The following RPSA2 variants were observed in gnomAD, a reference collection of about 807,000 sequenced individuals.
RPSA2 encodes the protein ribosomal protein SA 2.
chr19:23,789,552 A>ACT, the RPSA2 span, among the ~76,000 whole-genome samples: 5 of 151,916 alleles, frequency 3.3e-5, no homozygotes, highest in Non-Finnish European at 5.9e-5. Flanking sequence ...TAAAAGAGTT[A>ACT]CTCTCTCTCC....
the RPSA2 span, among the ~76,000 whole-genome samples, chr19:23,868,335 G>T: frequency 6.6e-6 from 1 of 152,110 alleles, no homozygotes; most frequent in African/African-American, 2.4e-5. Flanking sequence ...TGGTGACACT[G>T]TCTGTCGCCG....
the RPSA2 span, among the ~76,000 whole-genome samples, chr19:23,783,748 C>T: frequency 5.3e-5 from 8 of 152,038 alleles, no homozygotes; most frequent in Admixed American, 2.0e-4. Flanking sequence ...AGATGAAACC[C>T]TATACTTCTG....
At chr19:23,868,768 C>T in the RPSA2 span, among the ~76,000 whole-genome samples, 1 of 152,056 alleles carries the variant, frequency 6.6e-6, no homozygotes, top group Non-Finnish European at 1.5e-5. Context: ...ATGGATAAAC[C>T]ATGTGGGTGC....
the RPSA2 span, among the ~76,000 whole-genome samples, chr19:23,794,209 A>G: frequency 2.0e-5 from 3 of 152,174 alleles, no homozygotes; most frequent in Non-Finnish European, 4.4e-5. Flanking sequence ...TTCTTTGGGT[A>G]TATACCCAAT....
the RPSA2 span, among the ~76,000 whole-genome samples, chr19:23,846,337 T>C: frequency 2.6e-5 from 4 of 152,190 alleles, no homozygotes; most frequent in African/African-American, 9.6e-5. Flanking sequence ...ATTAAGGCTT[T>C]GTTACTGTCA....
chr19:23,812,619 G>A, the RPSA2 span, among the ~76,000 whole-genome samples: 1 of 152,034 alleles, frequency 6.6e-6, no homozygotes, highest in East Asian at 1.9e-4. Context: ...GGCTGGTCTC[G>A]GATTCCTGAC....
chr19:23,789,192 G>C, the RPSA2 span, among the ~76,000 whole-genome samples: 5 of 151,704 alleles, frequency 3.3e-5, no homozygotes, highest in African/African-American at 1.2e-4. Context: ...GTAGAGGTGG[G>C]GCTTCACCAT....
the RPSA2 span, among the ~76,000 whole-genome samples, chr19:23,797,598 T>C: frequency 3.3e-5 from 5 of 152,372 alleles, no homozygotes; most frequent in African/African-American, 1.2e-4. Context: ...CTATTAGGAC[T>C]ATTTGGTCAA....
chr19:23,854,596 G>A, the RPSA2 span, among the ~76,000 whole-genome samples: 1 of 152,232 alleles, frequency 6.6e-6, no homozygotes, highest in Admixed American at 6.5e-5. Context: ...ACTTAGAATG[G>A]CAAGTACTTG....
At chr19:23,854,429 G>A in the RPSA2 span, among the ~76,000 whole-genome samples, 1 of 152,190 alleles carries the variant, frequency 6.6e-6, no homozygotes, top group South Asian at 2.1e-4. Context: ...TGGGTTGGCT[G>A]TAGGTAAATT....
chr19:23,790,640 G>A, the RPSA2 span: 2 of 302,856 alleles, frequency 6.6e-6, no homozygotes, highest in South Asian at 4.4e-5. Context: ...GTCTCTAGCT[G>A]CAGATGGAGC....
At chr19:23,798,121 C>T in the RPSA2 span, among the ~76,000 whole-genome samples, 1 of 151,854 alleles carries the variant, frequency 6.6e-6, no homozygotes, top group Non-Finnish European at 1.5e-5. Flanking sequence ...TTTGTTTCTG[C>T]TTTGGCAAAA....
chr19:23,806,961 G>T, the RPSA2 span, among the ~76,000 whole-genome samples: 6 of 151,994 alleles, frequency 3.9e-5, no homozygotes, highest in African/African-American at 9.7e-5. Flanking sequence ...TTACTTTAGT[G>T]GGGGGCCATA....
At chr19:23,828,685 G>C in the RPSA2 span, among the ~76,000 whole-genome samples, 1 of 151,134 alleles carries the variant, frequency 6.6e-6, no homozygotes, top group African/African-American at 2.4e-5. Flanking sequence ...GGTCTTTCAA[G>C]GGAAATGTTG....
chr19:23,862,896 C>CTTTTT, the RPSA2 span, among the ~76,000 whole-genome samples: 5 of 142,740 alleles, frequency 3.5e-5, no homozygotes, highest in African/African-American at 1.0e-4. Flanking sequence ...TTCTTTCTTT[C>CTTTTT]TTTTTTTTTT....
At chr19:23,807,085 C>T in the RPSA2 span, among the ~76,000 whole-genome samples, 1 of 152,070 alleles carries the variant, frequency 6.6e-6, no homozygotes, top group Non-Finnish European at 1.5e-5. Flanking sequence ...CAGATTTTTG[C>T]ACTATAGAGG....
chr19:23,773,918 CAT>C, the RPSA2 span, among the ~76,000 whole-genome samples: 2 of 152,148 alleles, frequency 1.3e-5, no homozygotes, highest in Non-Finnish European at 2.9e-5. Context: ...AAAACCAGAA[CAT>C]GTGTGGGATT....
At chr19:23,868,957 C>A in the RPSA2 span, among the ~76,000 whole-genome samples, 4 of 152,156 alleles carry the variant, frequency 2.6e-5, no homozygotes, top group African/African-American at 7.2e-5. Flanking sequence ...CTCAAGAAAA[C>A]CATGCAGGAA....
the RPSA2 span, among the ~76,000 whole-genome samples, chr19:23,823,513 A>C: frequency 1.3e-5 from 2 of 152,090 alleles, no homozygotes; most frequent in Non-Finnish European, 2.9e-5. Context: ...GGTTCCTCCC[A>C]AAACCATCTC....
Sources: gnomAD v4.1 joint callset for allele counts (sites outside exome capture counted in the v4.1 genomes callset) on GRCh38, gnomAD v4.1.1 for gene constraint, MANE v1.5 for transcripts, NCBI Gene and HGNC (gene_info 2026-07-23, HGNC 2026-07-21) for gene names.